The following RBM42 variants were observed in gnomAD, a reference collection of about 807,000 sequenced individuals.
The protein encoded by RBM42 is RNA binding motif protein 42.
A neutral mutation model predicts 41.4 loss-of-function variants in RBM42; 21 were observed. The observed-to-expected ratio is 0.51, with a 90% CI of 0.36 to 0.73. The LOEUF is 0.73. Ranked by LOEUF, RBM42 falls within the 30% of genes least tolerant of loss-of-function variation. The pLI, the probability that RBM42 is intolerant of heterozygous loss-of-function variation, is 0.00. For missense variants in RBM42, 539 were observed against 680.4 expected, an observed-to-expected ratio of 0.79 and a Z score of 2.31; for synonymous variants, 272 against 271.2, an observed-to-expected ratio of 1.00 and a Z score of -0.03.
Position 35,629,073 on chromosome 19 carries a change from C to G in RBM42, c.-81C>G. 6.9e-7 allele frequency: 1 copy of G among 1,451,488 alleles called. No individual in the cohort carries two copies. The highest frequency in any genetic ancestry group is 1.4e-5 in the African/African-American group (1 of 69,062). 89.9% of individuals were successfully genotyped at this position (1,451,488 alleles called of 1,614,324 possible). Reference sequence around the variant, plus strand: ...CGTCATCCTCGGGAGCCCACCCGGACGAAGGGGGAGAGTAGACAGCAGAAC... The same window carrying G: ...CGTCATCCTCGGGAGCCCACCCGGAGGAAGGGGGAGAGTAGACAGCAGAAC... On this transcript the variant is annotated 5_prime_UTR_variant, in exon 1 of 10. Transcript: ENST00000262633.
In RBM42 at chr19:35,629,604, A is replaced by T. The variant is rs757992768; in HGVS notation, c.213A>T (p.Thr71=). ...PAVPTVPTVP[T]VEAMQVPAAP... is the part of the protein sequence containing the mutation. Reference sequence around the variant, plus strand: ...TGCCCACTGTCCCCACGGTCCCCACAGTAGAAGCGATGCAGGTCCCAGCGG... The same window carrying T: ...TGCCCACTGTCCCCACGGTCCCCACTGTAGAAGCGATGCAGGTCCCAGCGG... The change falls in exon 2 of 10, where the codon ACA becomes ACT. Residue 71 remains threonine, a synonymous_variant. Coordinates refer to ENST00000262633, the MANE Select transcript of RBM42 (RefSeq NM_024321.5). 1.9e-6 allele frequency: 3 copies of T among 1,614,236 alleles called. No homozygotes were observed. In the South Asian group the frequency reaches 3.3e-5, roughly 18 times the overall value.
At chr19:35,636,002 G>C (rs1028305056) in intron 8 of RBM42, among the ~76,000 whole-genome samples, 4 of 152,096 alleles carry the variant, frequency 2.6e-5, no homozygotes, top group Non-Finnish European at 5.9e-5. Flanking sequence ...TGGGGCAGCC[G>C]TGCAATGGCT....
chr19:35,631,554 C>G (rs979368895), intron 4 of RBM42, 149 bp downstream of exon 4: 3 of 711,186 alleles, frequency 4.2e-6, no homozygotes, highest in Admixed American at 2.9e-5. Context: ...TGATCATGTC[C>G]TTTCTGATGA....
Position 35,633,769 on chromosome 19 carries a change from C to T in RBM42, c.767C>T (p.Ala256Val), listed in dbSNP as rs1471406700. The change falls in exon 7 of 10, where the codon GCG becomes GTG. Residue 256 changes from alanine to valine, a missense_variant. Physicochemically the swap from Ala to Val is moderately conservative, Grantham distance 64 (BLOSUM62 0). Coordinates refer to ENST00000262633, the MANE Select transcript of RBM42 (RefSeq NM_024321.5). ...AAGGAAGAGGCAGTGGTGGCGGCGG[C>T]GGCTGGGCTGGAGGAGGCTAGCGCG... ...KEKEEAVVAA[A>V]AGLEEASAAV... 3.8e-5 allele frequency: 57 copies of T among 1,493,558 alleles called. No homozygotes were observed. Among genetic ancestry groups the T allele is most frequent in the Non-Finnish European group, 5.1e-5 (57 of 1,128,216 alleles). The allele number at this position is 1,493,558 out of a possible 1,614,324, so 92.5% of individuals were successfully genotyped here.
chr19:35,634,456 T>C (rs1599607794), intron 8 of RBM42, 83 bp downstream of exon 8: 1 of 982,628 alleles, frequency 1.0e-6, no homozygotes, highest in African/African-American at 1.6e-5. Context: ...ACTGGGAGGG[T>C]GAACCCTCTC....
rs748627176 is a variant in RBM42 at position 35,634,239 on chromosome 19, TC to T, written c.1018-13del. 2 of 1,611,368 alleles carry T rather than the reference TC, an allele frequency of 1.2e-6. No homozygotes were observed. The highest frequency in any genetic ancestry group is 1.1e-5 in the South Asian group (1 of 90,934). ...CCCAATACCAACCCCTTTGCACCTC[TC>T]CCCTTTCCTCTGCAGGTCCCAGAGC... On this transcript the variant is annotated splice_polypyrimidine_tract_variant and intron_variant, in intron 7 of 9. Coordinates refer to ENST00000262633, the MANE Select transcript of RBM42 (RefSeq NM_024321.5).
At chr19:35,632,125 C>G (rs1177502997) in intron 4 of RBM42, among the ~76,000 whole-genome samples, 1 of 152,192 alleles carries the variant, frequency 6.6e-6, no homozygotes, top group Non-Finnish European at 1.5e-5. Flanking sequence ...ACCAAACGTG[C>G]TACTTATGTT....
In RBM42 at chr19:35,637,356, G is replaced by A. The variant is rs753158008; in HGVS notation, c.1330+4G>A. ...CGCGCCATGCGTGAGATGAATGGTG[G>A]GTGCGGCCTCCCCTGGGAACTGCAG... On this transcript the variant is annotated splice_donor_region_variant and intron_variant, in intron 9 of 9. Coordinates refer to ENST00000262633, the MANE Select transcript of RBM42 (RefSeq NM_024321.5). This position sits in a 1 kb window ranked among gnomAD's most constrained non-coding sequence, Gnocchi z 7.0. 1.4e-5 allele frequency: 23 copies of A among 1,614,018 alleles called. No homozygotes were observed. The African/African-American group carries it at 2.9e-4, about 21-fold the overall frequency.
chr19:35,630,083 A>C (rs1446801240), intron 2 of RBM42, among the ~76,000 whole-genome samples: 1 of 152,166 alleles, frequency 6.6e-6, no homozygotes, highest in Non-Finnish European at 1.5e-5. Context: ...TGGGAGACCA[A>C]GGCGGGCAGA....
chr19:35,629,448 C>A, intron 1 of RBM42, 72 bp from the exon 2 acceptor site: 1 of 1,583,096 alleles, frequency 6.3e-7, no homozygotes, highest in Non-Finnish European at 8.6e-7. Flanking sequence ...GGTGAGGGTC[C>A]CCTCGCGATA....
rs757968171 is a variant in RBM42, at chr19:35,632,919, ATC to A, written c.443-8_443-7del. On this transcript the variant is annotated splice_polypyrimidine_tract_variant and intron_variant, in intron 4 of 9. Coordinates refer to ENST00000262633, the MANE Select transcript of RBM42 (RefSeq NM_024321.5). ...CCTGTCCCCCATGACACACACCCCC[ATC>A]TCTCTCTCCCACAGCTGTGGCCCCC... 1.1e-4 allele frequency: 138 copies of A among 1,217,638 alleles called. No homozygotes were observed. In the South Asian group the frequency reaches 1.5e-3, roughly 13 times the overall value. 75.4% of individuals were successfully genotyped at this position (1,217,638 alleles called of 1,614,324 possible). A position where few individuals can be genotyped will look rare whatever the true frequency, so the allele number is the denominator to read the frequency against.
chr19:35,636,336 GT>G (rs998588166), intron 8 of RBM42, among the ~76,000 whole-genome samples: 1 of 151,648 alleles, frequency 6.6e-6, no homozygotes, highest in African/African-American at 2.4e-5. Flanking sequence ...TTTTTGTATT[GT>G]TTAGTAGAGA....
At chr19:35,630,871 T>TGGGA (rs914490785) in intron 2 of RBM42, among the ~76,000 whole-genome samples, 1 of 151,344 alleles carries the variant, frequency 6.6e-6, no homozygotes, top group Non-Finnish European at 1.5e-5. Context: ...AGGTTGTGCA[T>TGGGA]GGGAGATGGG....
At position 35,637,395 on chromosome 19, in the gene RBM42, T is replaced by C. The variant is rs1599609566; in HGVS notation, c.1330+43T>C. ...TGGGAACTGCAGGCGCGGCAGGCGC[T>C]GGCCTAAGCCTGACCCGAGCCTGCC... On this transcript the variant is annotated intron_variant, in intron 9 of 9. Coordinates refer to ENST00000262633, the MANE Select transcript of RBM42 (RefSeq NM_024321.5). This position sits in a 1 kb window ranked among gnomAD's most constrained non-coding sequence, Gnocchi z 7.0. 6.2e-7 allele frequency: 1 copy of C among 1,613,182 alleles called. No individual in the cohort carries two copies. The highest frequency in any genetic ancestry group is 8.5e-7 in the Non-Finnish European group (1 of 1,179,462).
chr19:35,636,189 C>T (rs1354450207), intron 8 of RBM42, among the ~76,000 whole-genome samples: 2 of 149,500 alleles, frequency 1.3e-5, no homozygotes, highest in Non-Finnish European at 3.0e-5. Flanking sequence ...GACAGAGTCT[C>T]GCACTGTCAC....
At chr19:35,635,288 C>T (rs192321465) in intron 8 of RBM42, among the ~76,000 whole-genome samples, 1 of 148,936 alleles carries the variant, frequency 6.7e-6, no homozygotes, top group Non-Finnish European at 1.5e-5. Flanking sequence ...TGCACTCTAG[C>T]CTGGCAACAG....
Position 35,633,938 on chromosome 19 carries a change from G to A in RBM42, c.936G>A (p.Leu312=). 6.3e-7 allele frequency: 1 copy of A among 1,579,012 alleles called. No individual in the cohort carries two copies. The highest frequency in any genetic ancestry group is 1.2e-5 in the South Asian group (1 of 86,686). ...LEVVRGLLPP[L]RIPELLSLRP... The stretch of plus-strand genomic sequence containing the variant: ...TCGTCCGCGGCCTCCTGCCCCCGCT[G>A]CGCATTCCTGAACTCCTGTCCCTGC... The change falls in exon 7 of 10, where the codon CTG becomes CTA. Residue 312 remains leucine (L), a synonymous_variant. Transcript: ENST00000262633.
In RBM42 at chr19:35,637,459, C is replaced by T; in HGVS notation, c.1348C>T (p.Arg450Cys). The change falls in exon 10 of 10, where the codon CGC becomes TGC. Residue 450 changes from arginine to cysteine, a missense_variant. This residue lies in a region of RBM42 where 110 missense variants were observed against 191.5 expected (regional missense o/e 0.57). Transcript: ENST00000262633. This position sits in a 1 kb window ranked among gnomAD's most constrained non-coding sequence, Gnocchi z 7.0. ...REMNGKYVGS[R>C]PIKLRKSMWK... The stretch of plus-strand genomic sequence containing the variant: ...CTCCACAGGGAAGTATGTGGGCTCG[C>T]GCCCCATCAAGCTTCGCAAGAGCAT... 1.2e-6 allele frequency: 2 copies of T among 1,614,210 alleles called. No homozygotes were observed. Among genetic ancestry groups the T allele is most frequent in the Non-Finnish European group, 1.7e-6 (2 of 1,180,016 alleles).
intron 2 of RBM42, 81 bp from the exon 3 acceptor site, chr19:35,631,059 C>T (rs911537181): frequency 2.5e-6 from 3 of 1,215,054 alleles, no homozygotes; most frequent in Non-Finnish European, 3.6e-6. Flanking sequence ...AAGCATGAAG[C>T]TCTTGGTCTC....
Sources: gnomAD v4.1 joint callset for allele counts (sites outside exome capture counted in the v4.1 genomes callset) on GRCh38, gnomAD v4.1.1 for gene constraint, gnomAD v4.1.1 regional missense constraint, Gnocchi (gnomAD v3.1) non-coding constraint, MANE v1.5 for transcripts, NCBI Gene and HGNC (gene_info 2026-07-23, HGNC 2026-07-21) for gene names.